JAKMIP2: variants seen among roughly 807,000 people sequenced by gnomAD.
JAKMIP2 encodes the protein janus kinase and microtubule interacting protein 2.
Under a neutral mutation model 115.0 loss-of-function variants are expected in JAKMIP2, and 25 were observed. That is an observed-to-expected ratio of 0.22 (90% CI 0.16 to 0.30). JAKMIP2 has a LOEUF of 0.30. Among genes scored for constraint, JAKMIP2 ranks in the 10% least tolerant of loss-of-function variants. JAKMIP2 has a pLI of 1.00. For missense variants in JAKMIP2, 642 were observed against 957.6 expected (o/e 0.67, Z 4.35); for synonymous variants, 334 against 343.6 (o/e 0.97, Z 0.31).
chr5:147,702,325 C>T (rs758862372), intron 1 of JAKMIP2, among the ~76,000 whole-genome samples: 57 of 114,204 alleles, frequency 5.0e-4, no homozygotes, highest in Admixed American at 9.6e-4. Context: ...GGGGGGGTGA[C>T]GGATAAAAGA....
At chr5:147,601,714 C>A in intron 21 of JAKMIP2, 27 bp downstream of exon 21, 2 of 1,481,704 alleles carry the variant, frequency 1.3e-6, no homozygotes, top group Non-Finnish European at 1.8e-6. Context: ...CTTAGAACCA[C>A]ATTTTGAGAA....
intron 1 of JAKMIP2, among the ~76,000 whole-genome samples, chr5:147,739,203 C>T (rs904767284): frequency 1.3e-4 from 20 of 152,048 alleles, no homozygotes; most frequent in Non-Finnish European, 1.9e-4. Context: ...AGACTCTCAC[C>T]AAGAAAGATG....
intron 1 of JAKMIP2, among the ~76,000 whole-genome samples, chr5:147,755,432 G>A (rs116366075): frequency 0.012 from 1,766 of 152,168 alleles, 37 homozygotes; most frequent in African/African-American, 0.04. Context: ...GCTGTGTCAC[G>A]GGCTCATCCT....
intron 16 of JAKMIP2, 84 bp downstream of exon 16, chr5:147,628,667 G>A (rs2126678181): frequency 3.1e-6 from 3 of 969,572 alleles, no homozygotes; most frequent in Non-Finnish European, 4.9e-6. Flanking sequence ...CATGTGCAGA[G>A]GGAATGTCCT....
Position 147,644,182 on chromosome 5 carries a change from G to A in JAKMIP2, c.1100C>T (p.Ser367Phe). ...TTTTAATTTCTTCAGGGGTGGATGG[G>A]ATGTTATTTTTTCTCTCTGGATTGG... ...ENSEMREKIT[S>F]HPPLKKLKSL... Residue 367 changes from serine (S) to phenylalanine (F), a missense_variant, in exon 7 of 22, where the codon TCC becomes TTC. Around this residue, in one of 6 missense-constraint regions of JAKMIP2, gnomAD observed 439 missense variants for 570.9 expected, o/e 0.77. Coordinates refer to ENST00000616793, the MANE Select transcript of JAKMIP2 (RefSeq NM_001270941.2). The A allele has an allele frequency of 6.3e-7, 1 of 1,585,364 alleles. No individual in the cohort carries two copies. The highest frequency in any genetic ancestry group is 8.6e-7 in the Non-Finnish European group (1 of 1,159,774).
chr5:147,737,503 T>A (rs79612928), intron 1 of JAKMIP2, among the ~76,000 whole-genome samples: 2,799 of 152,280 alleles, frequency 0.018, 114 homozygotes, highest in African/African-American at 0.064. Flanking sequence ...ACTTTTGTAA[T>A]CTTTAAGGTA....
intron 1 of JAKMIP2, among the ~76,000 whole-genome samples, chr5:147,738,577 C>A (rs1265670709): frequency 6.6e-6 from 1 of 152,070 alleles, no homozygotes; most frequent in Non-Finnish European, 1.5e-5. Flanking sequence ...AACAAGACTG[C>A]AATTGCAGAT....
chr5:147,592,995 G>C (rs1314497276), intron 21 of JAKMIP2, among the ~76,000 whole-genome samples: 1 of 152,292 alleles, frequency 6.6e-6, no homozygotes, highest in South Asian at 2.1e-4. Flanking sequence ...ATCACACTGA[G>C]GGAATGAGGA....
intron 1 of JAKMIP2, among the ~76,000 whole-genome samples, chr5:147,698,475 G>A (rs1752194436): frequency 6.6e-6 from 1 of 152,120 alleles, no homozygotes; most frequent in East Asian, 1.9e-4. Flanking sequence ...AGAATGATAT[G>A]GTTTGGCTGT....
At chr5:147,718,716 C>A (rs147241568) in intron 1 of JAKMIP2, among the ~76,000 whole-genome samples, 8 of 152,172 alleles carry the variant, frequency 5.3e-5, no homozygotes, top group African/African-American at 1.9e-4. Flanking sequence ...TTTTTTATTG[C>A]GTCTATTAGA....
intron 1 of JAKMIP2, among the ~76,000 whole-genome samples, chr5:147,736,357 A>G (rs775530825): frequency 2.6e-5 from 4 of 151,912 alleles, no homozygotes; most frequent in Non-Finnish European, 4.4e-5. Context: ...GCTACTTGAG[A>G]GGCTGAGGTA....
chr5:147,645,040 C>T, intron 5 of JAKMIP2, 44 bp from the exon 6 acceptor site: 5 of 1,601,124 alleles, frequency 3.1e-6, no homozygotes, highest in Middle Eastern at 1.7e-4. Flanking sequence ...GTTTGGGGGA[C>T]GTGGGGGCAG....
chr5:147,611,071 C>T (rs2126623546), intron 20 of JAKMIP2, among the ~76,000 whole-genome samples: 1 of 152,268 alleles, frequency 6.6e-6, no homozygotes, highest in South Asian at 2.1e-4. Context: ...CTTCAGACTG[C>T]TGTGCTGGCA....
chr5:147,631,007 C>A (rs1439196008), intron 14 of JAKMIP2, among the ~76,000 whole-genome samples: 1 of 152,186 alleles, frequency 6.6e-6, no homozygotes, highest in Non-Finnish European at 1.5e-5. Flanking sequence ...TCTAACTCTG[C>A]AATTCCATAA....
chr5:147,610,102 G>A (rs1222794941), intron 20 of JAKMIP2, among the ~76,000 whole-genome samples: 1 of 152,064 alleles, frequency 6.6e-6, no homozygotes, highest in Non-Finnish European at 1.5e-5. Flanking sequence ...AAGGTTCTTA[G>A]CTTCCTTACA....
At chr5:147,676,952 G>A (rs1403438946) in intron 1 of JAKMIP2, among the ~76,000 whole-genome samples, 2 of 152,204 alleles carry the variant, frequency 1.3e-5, no homozygotes, top group Non-Finnish European at 2.9e-5. Context: ...GTGATAAGAA[G>A]CTCCACTTCT....
chr5:147,648,697 T>C (rs1386216378), intron 4 of JAKMIP2, among the ~76,000 whole-genome samples: 3 of 152,166 alleles, frequency 2.0e-5, no homozygotes, highest in African/African-American at 7.2e-5. Context: ...TGCAAATGAA[T>C]TCCATGTGGC....
intron 1 of JAKMIP2, among the ~76,000 whole-genome samples, chr5:147,688,241 A>T (rs1760665965): frequency 6.6e-6 from 1 of 152,190 alleles, no homozygotes. Context: ...TAATGTTCTG[A>T]GCACTGATTG....
At chr5:147,644,735 G>T (rs1758045501) in intron 6 of JAKMIP2, 115 bp downstream of exon 6, 6 of 945,034 alleles carry the variant, frequency 6.3e-6, no homozygotes, top group Non-Finnish European at 7.8e-6. Flanking sequence ...GCTTACATAA[G>T]GAAAAATCCA....
Sources: gnomAD v4.1 joint callset for allele counts (sites outside exome capture counted in the v4.1 genomes callset) on GRCh38, gnomAD v4.1.1 for gene constraint, gnomAD v4.1.1 regional missense constraint, MANE v1.5 for transcripts, NCBI Gene and HGNC (gene_info 2026-07-23, HGNC 2026-07-21) for gene names.